ROBO1: variants seen among roughly 807,000 people sequenced by gnomAD.
ROBO1 encodes the protein roundabout guidance receptor 1, also known as roundabout homolog 1.
In ROBO1, 149 loss-of-function variants were observed where a neutral mutation model predicts 195.9. The observed-to-expected ratio is 0.76, with a 90% CI of 0.67 to 0.87. The LOEUF is 0.87. ROBO1 is among the 40% of genes least tolerant of loss of function. The probability of loss-of-function intolerance (pLI) is 0.00; values close to 1 mark genes in which losing one functional copy is unlikely to be tolerated. For synonymous variants in ROBO1, 816 were observed against 733.2 expected (o/e 1.11, Z -1.82); for missense variants, 1,933 against 2,068.3 (o/e 0.93, Z 1.27).
intron 10 of ROBO1, among the ~76,000 whole-genome samples, chr3:78,674,882 T>C (rs1363830284): frequency 1.3e-5 from 2 of 152,176 alleles, no homozygotes; most frequent in Non-Finnish European, 2.9e-5. Context: ...TATTAATGTG[T>C]GTATCACTCT....
At chr3:79,008,888 C>CATGT (rs1553656471) in intron 3 of ROBO1, among the ~76,000 whole-genome samples, 2 of 121,230 alleles carry the variant, frequency 1.6e-5, no homozygotes, top group Admixed American at 8.8e-5. Flanking sequence ...TGCACCCAGC[C>CATGT]GTGTGTGTGT....
chr3:79,748,156 ATAG>A (rs1191677077), intron 1 of ROBO1, among the ~76,000 whole-genome samples: 1 of 152,154 alleles, frequency 6.6e-6, no homozygotes, highest in Non-Finnish European at 1.5e-5. Context: ...CAAATAACAA[ATAG>A]TAGAATACAG....
chr3:79,758,262 A>G (rs1465090279), intron 1 of ROBO1, among the ~76,000 whole-genome samples: 1 of 152,256 alleles, frequency 6.6e-6, no homozygotes, highest in Non-Finnish European at 1.5e-5. Context: ...GCCACCAGCC[A>G]CATATTCATT....
At chr3:79,314,566 T>C (rs528979959) in intron 2 of ROBO1, among the ~76,000 whole-genome samples, 1 of 152,362 alleles carries the variant, frequency 6.6e-6, no homozygotes, top group Non-Finnish European at 1.5e-5. Flanking sequence ...ATTAAGCCTC[T>C]TTCCTTTATA....
chr3:79,171,040 C>T (rs574534857), intron 2 of ROBO1, among the ~76,000 whole-genome samples: 81 of 151,344 alleles, frequency 5.4e-4, no homozygotes, highest in African/African-American at 1.4e-3. Flanking sequence ...TTCTTAAATT[C>T]GTTGAAGTTA....
At chr3:79,452,655 A>G (rs1312703946) in intron 2 of ROBO1, among the ~76,000 whole-genome samples, 1 of 152,124 alleles carries the variant, frequency 6.6e-6, no homozygotes, top group Non-Finnish European at 1.5e-5. Context: ...ACTTAGTTTA[A>G]TATTTCTAAA....
At chr3:79,449,604 A>G (rs1040567924) in intron 2 of ROBO1, among the ~76,000 whole-genome samples, 14 of 152,190 alleles carry the variant, frequency 9.2e-5, no homozygotes, top group African/African-American at 3.1e-4. Context: ...AGTTTCTTAA[A>G]TCAAGGTGTT....
intron 2 of ROBO1, among the ~76,000 whole-genome samples, chr3:79,368,294 T>G (rs1225714592): frequency 6.6e-6 from 1 of 152,176 alleles, no homozygotes; most frequent in African/African-American, 2.4e-5. Context: ...ATAAATTCAT[T>G]CATGCTAGAG....
chr3:78,756,408 C>T (rs1025697177), intron 4 of ROBO1, among the ~76,000 whole-genome samples: 8 of 152,110 alleles, frequency 5.3e-5, no homozygotes, highest in Middle Eastern at 3.2e-3. Context: ...GAATATTCTA[C>T]AATTGGAATG....
intron 2 of ROBO1, among the ~76,000 whole-genome samples, chr3:79,293,975 G>A (rs113518895): frequency 0.038 from 5,460 of 142,686 alleles, 125 homozygotes; most frequent in Middle Eastern, 0.066. Flanking sequence ...GGAGAATGGC[G>A]TGAACCCGGG....
chr3:79,287,119 C>T (rs2031935593), intron 2 of ROBO1, among the ~76,000 whole-genome samples: 7 of 152,130 alleles, frequency 4.6e-5, no homozygotes, highest in Admixed American at 4.6e-4. Context: ...AATGGTAACA[C>T]TAAATTCTTC....
chr3:79,010,780 T>C (rs1279227563), intron 3 of ROBO1, among the ~76,000 whole-genome samples: 12 of 152,202 alleles, frequency 7.9e-5, no homozygotes, highest in Non-Finnish European at 1.6e-4. Flanking sequence ...AGGATGCTTG[T>C]GTTCAATCTG....
At chr3:78,679,942 C>T (rs1160427590) in intron 10 of ROBO1, among the ~76,000 whole-genome samples, 2 of 152,206 alleles carry the variant, frequency 1.3e-5, no homozygotes, top group African/African-American at 2.4e-5. Context: ...TACTACAAGG[C>T]TACAGTAACC....
At chr3:79,568,956 C>G (rs1943181869) in intron 2 of ROBO1, among the ~76,000 whole-genome samples, 1 of 152,066 alleles carries the variant, frequency 6.6e-6, no homozygotes, top group South Asian at 2.1e-4. Flanking sequence ...TAACTCAATT[C>G]TTTCGACAGT....
At chr3:79,059,178 G>C (rs1363338728) in intron 3 of ROBO1, among the ~76,000 whole-genome samples, 2 of 152,090 alleles carry the variant, frequency 1.3e-5, no homozygotes, top group Non-Finnish European at 2.9e-5. Context: ...TCATTCATGG[G>C]AAATGGTCAA....
At chr3:79,248,359 G>A (rs1199388543) in intron 2 of ROBO1, among the ~76,000 whole-genome samples, 4 of 112,966 alleles carry the variant, frequency 3.5e-5, no homozygotes, top group African/African-American at 7.1e-5. Context: ...TAAGGTCCTA[G>A]ATGGGAAGAC....
intron 2 of ROBO1, among the ~76,000 whole-genome samples, chr3:79,526,789 T>C (rs1339129753): frequency 6.6e-6 from 1 of 152,206 alleles, no homozygotes; most frequent in Non-Finnish European, 1.5e-5. Context: ...CTAAATTCTA[T>C]AATCTTTTTG....
intron 2 of ROBO1, among the ~76,000 whole-genome samples, chr3:79,268,478 T>C (rs536116976): frequency 6.6e-6 from 1 of 151,780 alleles, no homozygotes; most frequent in South Asian, 2.1e-4. Context: ...ACAATATGGT[T>C]TGGTCACATC....
intron 2 of ROBO1, among the ~76,000 whole-genome samples, chr3:79,242,445 C>T (rs191200311): frequency 6.6e-6 from 1 of 152,098 alleles, no homozygotes; most frequent in Non-Finnish European, 1.5e-5. Context: ...CATAGGGGCA[C>T]AAGGATAAAT....
Sources: gnomAD v4.1 joint callset for allele counts (sites outside exome capture counted in the v4.1 genomes callset) on GRCh38, gnomAD v4.1.1 for gene constraint, MANE v1.5 for transcripts, NCBI Gene and HGNC (gene_info 2026-07-23, HGNC 2026-07-21) for gene names.